Variants in TGFBR3L observed in about 807,000 individuals in gnomAD.
The protein encoded by TGFBR3L is transforming growth factor-beta receptor type 3-like protein.
TGFBR3L carries 21 observed loss-of-function variants against 20.4 expected under a neutral mutation model. That is an observed-to-expected ratio of 1.03 (90% CI 0.73 to 1.48). The LOEUF is 1.48. Among genes scored for constraint, TGFBR3L ranks in the 40% most tolerant of loss-of-function variants. The probability of loss-of-function intolerance (pLI) is 0.00; values close to 1 mark genes in which losing one functional copy is unlikely to be tolerated. For synonymous variants in TGFBR3L, 245 were observed against 244.2 expected, an observed-to-expected ratio of 1.00 and a Z score of -0.03; for missense variants, 479 against 498.0, an observed-to-expected ratio of 0.96 and a Z score of 0.36.
intron 2 of TGFBR3L, 194 bp downstream of exon 3, chr19:7,917,136 G>C (rs1185915531): frequency 2.0e-6 from 2 of 979,594 alleles, no homozygotes; most frequent in Non-Finnish European, 2.7e-6. Flanking sequence ...CCCATGGACA[G>C]CTCTGGAATC....
chr19:7,917,188 C>T (rs1568286055), intron 2 of TGFBR3L: 1 of 763,046 alleles, frequency 1.3e-6, no homozygotes, highest in South Asian at 2.4e-5. Flanking sequence ...ACTAAGGGGA[C>T]ACATTTCTGG....
At chr19:7,917,385 T>C (rs1983358250) in intron 2 of TGFBR3L, 88 bp from the exon 4 acceptor site, 1 of 1,441,526 alleles carries the variant, frequency 6.9e-7, no homozygotes, top group African/African-American at 1.5e-5. Context: ...AGAGCTGGAC[T>C]CAGGTCTCTC....
Position 7,916,884 on chromosome 19 carries a change from G to A in TGFBR3L, c.539G>A (p.Arg180Gln), listed in dbSNP as rs1256526807. 1.5e-5 allele frequency: 20 copies of A among 1,356,422 alleles called. 1 individual carries two copies. The highest frequency in any genetic ancestry group is 3.7e-5 in the South Asian group (2 of 53,472). 84.0% of individuals were successfully genotyped at this position (1,356,422 alleles called of 1,614,324 possible). The change falls in exon 2 of 6, where the codon CGG (arginine) becomes CAG (glutamine). Residue 180 changes from arginine to glutamine, a missense_variant. Coordinates refer to ENST00000565886, the MANE Select transcript of TGFBR3L (RefSeq NM_001195259.2). Reference sequence around the variant, plus strand: ...CAGCTGAGCCGCTGCCGCCGCCTCCGGGGAGTCCGCCGGGCGCCTGCGCCT... The same window carrying A: ...CAGCTGAGCCGCTGCCGCCGCCTCCAGGGAGTCCGCCGGGCGCCTGCGCCT...
intron 1 of TGFBR3L, 36 bp downstream of exon 2, chr19:7,916,579 C>G (rs1487390080): frequency 1.4e-6 from 2 of 1,440,410 alleles, no homozygotes; most frequent in Non-Finnish European, 1.8e-6. Flanking sequence ...CGGATGGGGG[C>G]CGGTGGGGAC....
chr19:7,917,731 T>A lies in TGFBR3L; in HGVS notation c.755T>A (p.Val252Glu). 7.0e-7 allele frequency: 1 copy of A among 1,427,020 alleles called. No individual in the cohort carries two copies. The highest frequency in any genetic ancestry group is 9.1e-7 in the Non-Finnish European group (1 of 1,099,010). 88.4% of individuals were successfully genotyped at this position (1,427,020 alleles called of 1,614,324 possible). Residue 252 changes from valine to glutamate, a missense_variant, in exon 4 of 6, where the codon GTG becomes GAG. Transcript: ENST00000565886. ...CCCAAGAGTGTCCCCGGCCGTGCAGTGCGCCCTGAGCCTCCCGCGCCGGCC... is the reference window on the plus strand; with the variant it reads ...CCCAAGAGTGTCCCCGGCCGTGCAGAGCGCCCTGAGCCTCCCGCGCCGGCC...
chr19:7,917,021 A>C (rs1283737490), intron 2 of TGFBR3L, 79 bp downstream of exon 3: 4 of 1,211,686 alleles, frequency 3.3e-6, no homozygotes, highest in Middle Eastern at 3.2e-4. Context: ...CAGTGGAAAG[A>C]GGATACTCTC....
intron 2 of TGFBR3L, 144 bp from the exon 4 acceptor site, chr19:7,917,329 A>C (rs1383432605): frequency 8.0e-6 from 10 of 1,252,814 alleles, no homozygotes; most frequent in Non-Finnish European, 1.0e-5. Context: ...GGCTCAGGGC[A>C]CCCTAAGGGG....
rs1296807313 is a variant in TGFBR3L, at chr19:7,915,826, ACAT to A, written c.-439_-437del. 1.3e-5 allele frequency among the ~76,000 whole-genome samples: 2 copies of A among 152,326 alleles called. No homozygotes were observed. Among genetic ancestry groups the A allele is most frequent in the South Asian group, 2.1e-4 (1 of 4,828 alleles). On this transcript the variant is annotated 5_prime_UTR_variant, in exon 1 of 6. Coordinates refer to ENST00000565886, the MANE Select transcript of TGFBR3L (RefSeq NM_001195259.2). ...GACCCCGCTCAGCACCTGAAGGCAG[ACAT>A]CAGCGTGTGTTTAGGGGCACGAAGA...
At chr19:7,916,595 A>T in intron 1 of TGFBR3L, 27 bp from the exon 3 acceptor site, 1 of 1,431,928 alleles carries the variant, frequency 7.0e-7, no homozygotes, top group African/African-American at 1.5e-5. Flanking sequence ...GGGACGGGCG[A>T]TCCCTGATGG....
chr19:7,917,974 G>C, intron 4 of TGFBR3L, 83 bp from the exon 6 acceptor site: 1 of 1,470,940 alleles, frequency 6.8e-7, no homozygotes, highest in Non-Finnish European at 9.0e-7. Context: ...CTGCCTCCGC[G>C]ATGCCCGCAG....
At chr19:7,917,971 C>A in intron 4 of TGFBR3L, 86 bp from the exon 6 acceptor site, 1 of 1,468,230 alleles carries the variant, frequency 6.8e-7, no homozygotes. Flanking sequence ...GGCCTGCCTC[C>A]GCGATGCCCG....
intron 2 of TGFBR3L, 48 bp from the exon 4 acceptor site, chr19:7,917,425 C>G (rs777442142): frequency 2.8e-5 from 42 of 1,507,902 alleles, no homozygotes; most frequent in Non-Finnish European, 3.1e-5. Flanking sequence ...GAGCCACGAT[C>G]CCGGTGCCCT....
In TGFBR3L at chr19:7,915,207, T is replaced by A. The variant is rs1433183619; in HGVS notation, c.-1061T>A. Among the ~76,000 whole-genome samples the A allele has an allele frequency of 3.9e-5, 6 of 152,122 alleles. No homozygotes were observed. The highest frequency in any genetic ancestry group is 1.4e-4 in the African/African-American group (6 of 41,404). On this transcript the variant is annotated 5_prime_UTR_variant, in exon 1 of 6. Transcript: ENST00000565886. The stretch of plus-strand genomic sequence containing the variant: ...CCAGGCTGGTCTCGAACTCCTGACC[T>A]CAGGCGATCCGCCCGCCTCGAACTT...
rs1983449319 is a variant in TGFBR3L, at chr19:7,918,898, C to A, written c.*6-19C>A. ...GCGTAGCGTCCCCTCCCTCGCTGAG[C>A]CTCAGCCACCCCTCCCAGGGATGGT... is the stretch of plus-strand genomic sequence containing the variant. On this transcript the variant is annotated intron_variant, in intron 5 of 5. Coordinates refer to ENST00000565886, the MANE Select transcript of TGFBR3L (RefSeq NM_001195259.2). 7.5e-6 allele frequency: 3 copies of A among 398,484 alleles called. No individual in the cohort carries two copies. Among genetic ancestry groups the A allele is most frequent in the Non-Finnish European group, 4.4e-6 (1 of 226,054 alleles). The allele number at this position is 398,484 out of a possible 1,614,324, so 24.7% of individuals were successfully genotyped here. A position where few individuals can be genotyped will look rare whatever the true frequency, so the allele number is the denominator to read the frequency against.
chr19:7,916,182 A>G lies in TGFBR3L; in HGVS notation c.-86A>G. On this transcript the variant is annotated 5_prime_UTR_variant, in exon 1 of 6. Coordinates refer to ENST00000565886, the MANE Select transcript of TGFBR3L (RefSeq NM_001195259.2). ...TTCTCTAGGGGCGCATGGCTCTGCA[A>G]CCGGCTCAGTTGCTGGGCTGTGCGA... 6.8e-7 allele frequency: 1 copy of G among 1,469,938 alleles called. No homozygotes were observed. Among genetic ancestry groups the G allele is most frequent in the South Asian group, 1.4e-5 (1 of 73,480 alleles). The allele number at this position is 1,469,938 out of a possible 1,614,324, so 91.1% of individuals were successfully genotyped here.
At position 7,917,110 on chromosome 19, in the gene TGFBR3L, G is replaced by A. The variant is rs1008018131; in HGVS notation, c.597+168G>A. ...CCGACAGAGTTTCTCCGGGGACAGT[G>A]TGGACACTGGGTTCCCCCATGGACA... is the stretch of plus-strand genomic sequence containing the variant. On this transcript the variant is annotated intron_variant, in intron 2 of 5. Transcript: ENST00000565886. The A allele has an allele frequency of 1.0e-5, 11 of 1,080,782 alleles. No individual in the cohort carries two copies. In the African/African-American group the frequency reaches 1.7e-4, roughly 16 times the overall value. 66.9% of individuals were successfully genotyped at this position (1,080,782 alleles called of 1,614,324 possible). A position where few individuals can be genotyped will look rare whatever the true frequency, so the allele number is the denominator to read the frequency against.
chr19:7,915,271 C>T lies in TGFBR3L; in HGVS notation c.-997C>T, dbSNP rs573627674. Among the ~76,000 whole-genome samples the T allele has an allele frequency of 1.9e-3, 284 of 152,286 alleles. No homozygotes were observed. The highest frequency in any genetic ancestry group is 6.5e-3 in the African/African-American group (272 of 41,538). ...GATTACAGGTGTGAGCCACCGCGCC[C>T]CACCGATGTCACTCTCTTTCAACTA... On this transcript the variant is annotated 5_prime_UTR_variant, in exon 1 of 6. Coordinates refer to ENST00000565886, the MANE Select transcript of TGFBR3L (RefSeq NM_001195259.2).
rs1348594428 is a variant in TGFBR3L at position 7,916,556 on chromosome 19, G to C, written c.276+13G>C. On this transcript the variant is annotated intron_variant, in intron 1 of 5. Transcript: ENST00000565886. ...CGTGTTCGTGCAGGTGGGGACCCCG[G>C]GGACACCAGGGGCGGATGGGGGCCG... The C allele has an allele frequency of 1.1e-5, 16 of 1,455,808 alleles. No homozygotes were observed. The East Asian group carries it at 4.1e-4, about 37-fold the overall frequency. The allele number at this position is 1,455,808 out of a possible 1,614,324, so 90.2% of individuals were successfully genotyped here. A position where few individuals can be genotyped will look rare whatever the true frequency, so the allele number is the denominator to read the frequency against.
chr19:7,918,227 G>T (rs1386875351), intron 5 of TGFBR3L, 98 bp downstream of exon 6: 15 of 1,216,448 alleles, frequency 1.2e-5, no homozygotes, highest in East Asian at 8.0e-5. Flanking sequence ...TTTTTTGTTT[G>T]TTTGTTTGTT....
Sources: gnomAD v4.1 joint callset for allele counts (sites outside exome capture counted in the v4.1 genomes callset) on GRCh38, gnomAD v4.1.1 for gene constraint, MANE v1.5 for transcripts, NCBI Gene and HGNC (gene_info 2026-07-23, HGNC 2026-07-21) for gene names.